The following OTUD7A variants were observed in gnomAD, a reference collection of about 807,000 sequenced individuals.
OTUD7A encodes the protein OTU deubiquitinase 7A, also known as OTU domain-containing protein 7A.
A neutral mutation model predicts 65.7 loss-of-function variants in OTUD7A; 12 were observed. The ratio of observed to expected loss-of-function variants is 0.18; its 90% CI spans 0.12 to 0.30. The LOEUF (loss-of-function observed/expected upper bound fraction) is 0.30. Ranked by LOEUF, OTUD7A falls within the 10% of genes least tolerant of loss-of-function variation. The probability of loss-of-function intolerance (pLI) is 1.00; values close to 1 mark genes in which losing one functional copy is unlikely to be tolerated. For missense variants in OTUD7A, 1,148 were observed against 1,304.8 expected, an observed-to-expected ratio of 0.88 and a Z score of 1.85; for synonymous variants, 641 against 586.3, an observed-to-expected ratio of 1.09 and a Z score of -1.35.
At chr15:31,777,657 C>T (rs1895422070) in intron 1 of OTUD7A, among the ~76,000 whole-genome samples, 1 of 152,152 alleles carries the variant, frequency 6.6e-6, no homozygotes, top group African/African-American at 2.4e-5. Flanking sequence ...CACCCTCAGC[C>T]CAGGCCCCCA....
chr15:31,766,725 G>C, intron 1 of OTUD7A: 1 of 1,609,872 alleles, frequency 6.2e-7, no homozygotes. Context: ...TCAAAGTAGA[G>C]GTTCTCTTAA....
chr15:31,541,605 T>G (rs1164145559), intron 5 of OTUD7A, among the ~76,000 whole-genome samples: 1 of 152,160 alleles, frequency 6.6e-6, no homozygotes, highest in East Asian at 1.9e-4. Context: ...CAATAATCCT[T>G]TCAAATGTAT....
chr15:31,730,336 C>A (rs1894006079), intron 1 of OTUD7A, among the ~76,000 whole-genome samples: 2 of 152,212 alleles, frequency 1.3e-5, no homozygotes, highest in Admixed American at 1.3e-4. Flanking sequence ...AAAGCTCTTA[C>A]CTCCCATTAT....
chr15:31,721,590 A>T (rs1251104276), intron 1 of OTUD7A, among the ~76,000 whole-genome samples: 2 of 152,130 alleles, frequency 1.3e-5, no homozygotes, highest in Non-Finnish European at 2.9e-5. Context: ...CAAGTAAAAA[A>T]GACAAAGCCC....
At position 31,743,066 on chromosome 15, in the gene OTUD7A, G is replaced by A. The variant is rs530143978; in HGVS notation, c.-99-85989C>T. ...TAGAACAACTAGACAGAAAAGGCAC[G>A]GATATAGAAGACCAGAACATCATCA... is the stretch of plus-strand genomic sequence containing the variant. On this transcript the variant is annotated intron_variant, in intron 1 of 12. Transcript: ENST00000307050. 1.4e-3 allele frequency among the ~76,000 whole-genome samples: 209 copies of A among 152,172 alleles called. 2 individuals are homozygous for A. Among genetic ancestry groups the A allele is most frequent in the Non-Finnish European group, 1.1e-3 (77 of 67,962 alleles).
At chr15:31,495,401 G>T (rs957801185) in intron 10 of OTUD7A, among the ~76,000 whole-genome samples, 3 of 152,210 alleles carry the variant, frequency 2.0e-5, no homozygotes, top group Non-Finnish European at 4.4e-5. Context: ...CCCTTCCATA[G>T]CTCCTGGCCA....
At chr15:31,841,413 A>C (rs1730315583) in intron 1 of OTUD7A, among the ~76,000 whole-genome samples, 1 of 152,132 alleles carries the variant, frequency 6.6e-6, no homozygotes, top group African/African-American at 2.4e-5. Flanking sequence ...TGCAGGACAC[A>C]AGGAAGCCTC....
intron 5 of OTUD7A, among the ~76,000 whole-genome samples, chr15:31,536,130 C>T (rs1038002100): frequency 7.9e-5 from 12 of 152,136 alleles, no homozygotes; most frequent in Non-Finnish European, 1.3e-4. Context: ...AGCACAGAAG[C>T]GAGGCAAAGG....
At chr15:31,820,625 G>A (rs926462015) in intron 1 of OTUD7A, among the ~76,000 whole-genome samples, 10 of 152,098 alleles carry the variant, frequency 6.6e-5, no homozygotes, top group Non-Finnish European at 1.3e-4. Flanking sequence ...TAGAAAACTG[G>A]CCCCACCATT....
At chr15:31,534,759 T>C (rs1480905210) in intron 5 of OTUD7A, among the ~76,000 whole-genome samples, 1 of 152,206 alleles carries the variant, frequency 6.6e-6, no homozygotes, top group Non-Finnish European at 1.5e-5. Flanking sequence ...CCCAAGTATC[T>C]GCACAGGATT....
At chr15:31,754,910 G>C (rs529187642) in intron 1 of OTUD7A, among the ~76,000 whole-genome samples, 1 of 152,110 alleles carries the variant, frequency 6.6e-6, no homozygotes, top group Non-Finnish European at 1.5e-5. Flanking sequence ...TGCTGGAGTA[G>C]GGGTATGAAG....
intron 3 of OTUD7A, among the ~76,000 whole-genome samples, chr15:31,610,501 C>T (rs1490517881): frequency 4.0e-5 from 6 of 149,384 alleles, no homozygotes; most frequent in African/African-American, 7.4e-5. Flanking sequence ...CTGTAGAATA[C>T]ACATTCTATT....
chr15:31,564,547 G>T (rs145249796), intron 4 of OTUD7A, among the ~76,000 whole-genome samples: 81 of 152,156 alleles, frequency 5.3e-4, no homozygotes, highest in African/African-American at 1.8e-3. Context: ...CATGTATTTT[G>T]CAGGGGAAAA....
intron 1 of OTUD7A, among the ~76,000 whole-genome samples, chr15:31,796,951 T>C (rs1895977626): frequency 6.6e-6 from 1 of 152,172 alleles, no homozygotes; most frequent in African/African-American, 2.4e-5. Context: ...CCAGGCTGGT[T>C]TCGAACTCCT....
At position 31,564,387 on chromosome 15, in the gene OTUD7A, G is replaced by GTTTTTGTTTTTTTTTT. The variant is rs924193573; in HGVS notation, c.332-5201_332-5200insAAAAAAAAAACAAAAA. 6.9e-4 allele frequency among the ~76,000 whole-genome samples: 83 copies of GTTTTTGTTTTTTTTTT among 119,890 alleles called. 2 individuals are homozygous for GTTTTTGTTTTTTTTTT. The highest frequency in any genetic ancestry group is 2.3e-3 in the African/African-American group (80 of 34,948). The allele number at this position is 119,890 out of a possible 152,430, so 78.7% of individuals were successfully genotyped here. A position where few individuals can be genotyped will look rare whatever the true frequency, so the allele number is the denominator to read the frequency against. ...TTTTTGGAAGTAGTCTTTGAGGAAG[G>GTTTTTGTTTTTTTTTT]TTTTTTTTTTTTTAGCAAAAGAGAA... On this transcript the variant is annotated intron_variant, in intron 4 of 12. Coordinates refer to ENST00000307050, the MANE Select transcript of OTUD7A (RefSeq NM_001382637.1).
chr15:31,789,668 G>C (rs990638050), intron 1 of OTUD7A, among the ~76,000 whole-genome samples: 1 of 151,856 alleles, frequency 6.6e-6, no homozygotes, highest in Non-Finnish European at 1.5e-5. Flanking sequence ...CAGTTACTGG[G>C]AGGGGCAGAG....
intron 1 of OTUD7A, among the ~76,000 whole-genome samples, chr15:31,781,650 G>A (rs1895542919): frequency 6.6e-6 from 1 of 152,118 alleles, no homozygotes; most frequent in African/African-American, 2.4e-5. Context: ...CTGGCATCCA[G>A]TGCCCCCTAT....
At chr15:31,637,057 C>T (rs1162531647) in intron 3 of OTUD7A, among the ~76,000 whole-genome samples, 1 of 152,192 alleles carries the variant, frequency 6.6e-6, no homozygotes, top group Non-Finnish European at 1.5e-5. Flanking sequence ...CTTAGAAGAT[C>T]TAGCTAACAT....
intron 5 of OTUD7A, among the ~76,000 whole-genome samples, chr15:31,540,179 A>T (rs1286249083): frequency 6.6e-6 from 1 of 152,158 alleles, no homozygotes; most frequent in Non-Finnish European, 1.5e-5. Context: ...ACTTCTCTGA[A>T]GTGTCTTCTG....
Sources: gnomAD v4.1 joint callset for allele counts (sites outside exome capture counted in the v4.1 genomes callset) on GRCh38, gnomAD v4.1.1 for gene constraint, MANE v1.5 for transcripts, NCBI Gene and HGNC (gene_info 2026-07-23, HGNC 2026-07-21) for gene names.